PCDH15: variants seen among roughly 807,000 people sequenced by gnomAD.
The protein encoded by PCDH15 is protocadherin-15.
PCDH15 carries 129 observed loss-of-function variants against 178.5 expected under a neutral mutation model. The observed-to-expected ratio is 0.72, with a 90% CI of 0.63 to 0.84. The LOEUF (loss-of-function observed/expected upper bound fraction) is 0.84. Among genes scored for constraint, PCDH15 ranks in the 40% least tolerant of loss-of-function variants. The pLI, the probability that PCDH15 is intolerant of heterozygous loss-of-function variation, is 0.00. For missense variants in PCDH15, 2,230 were observed against 2,099.9 expected (o/e 1.06, Z -1.21); for synonymous variants, 800 against 732.0 (o/e 1.09, Z -1.50).
At chr10:55,120,899 C>T (rs962788980) in intron 2 of PCDH15, among the ~76,000 whole-genome samples, 3 of 152,216 alleles carry the variant, frequency 2.0e-5, no homozygotes, top group Admixed American at 2.0e-4. Context: ...CTTTTTCCAT[C>T]TACTTTGCAA....
intron 2 of PCDH15, chr10:54,655,430 T>C (rs1291952876): frequency 4.3e-5 from 1 of 23,176 alleles, no homozygotes; most frequent in South Asian, 9.2e-4. Context: ...TGTGGTGGGG[T>C]GTGTGTGTGT....
intron 2 of PCDH15, among the ~76,000 whole-genome samples, chr10:55,156,088 A>C (rs1375675963): frequency 6.6e-6 from 1 of 152,152 alleles, no homozygotes; most frequent in African/African-American, 2.4e-5. Flanking sequence ...TATTTCATAC[A>C]TACAAAGGAC....
intron 2 of PCDH15, among the ~76,000 whole-genome samples, chr10:54,593,505 G>A (rs966001599): frequency 9.9e-5 from 15 of 151,976 alleles, no homozygotes; most frequent in Admixed American, 3.9e-4. Context: ...TTATTTCTGG[G>A]CTCTCTGTTT....
intron 2 of PCDH15, among the ~76,000 whole-genome samples, chr10:55,346,007 AT>A (rs764972791): frequency 5.3e-5 from 8 of 152,238 alleles, no homozygotes; most frequent in Admixed American, 1.3e-4. Context: ...ATGTAAGACT[AT>A]TTCAAAAAAA....
intron 1 of PCDH15, among the ~76,000 whole-genome samples, chr10:55,192,966 T>G (rs1839983909): frequency 2.0e-5 from 3 of 147,882 alleles, no homozygotes; most frequent in African/African-American, 5.0e-5. Flanking sequence ...AGATTTCCTT[T>G]CCTATCCTTT....
At chr10:54,488,678 G>T (rs2137071934) in intron 3 of PCDH15, among the ~76,000 whole-genome samples, 2 of 152,086 alleles carry the variant, frequency 1.3e-5, no homozygotes, top group South Asian at 4.1e-4. Context: ...AAGGGAAAAT[G>T]AGAGCAGTTT....
chr10:55,124,055 C>T (rs1019335200), intron 2 of PCDH15, among the ~76,000 whole-genome samples: 1 of 152,128 alleles, frequency 6.6e-6, no homozygotes, highest in Non-Finnish European at 1.5e-5. Context: ...CTGCAAGGAG[C>T]TTTTCTTTAA....
intron 37 of PCDH15, chr10:53,808,687 C>G (rs761557152): frequency 6.2e-7 from 1 of 1,610,304 alleles, no homozygotes; most frequent in Non-Finnish European, 8.5e-7. Flanking sequence ...CTACTGTGAT[C>G]TCTTTCAAAG....
At chr10:54,356,595 A>G (rs1945019615) in intron 5 of PCDH15, among the ~76,000 whole-genome samples, 2 of 151,890 alleles carry the variant, frequency 1.3e-5, no homozygotes, top group Admixed American at 6.6e-5. Flanking sequence ...CATACACACA[A>G]AAATCTACCT....
At chr10:54,629,566 C>A (rs1414455250) in intron 2 of PCDH15, among the ~76,000 whole-genome samples, 1 of 152,004 alleles carries the variant, frequency 6.6e-6, no homozygotes, top group African/African-American at 2.4e-5. Context: ...TAAAAACCTA[C>A]AACAAACTAG....
intron 2 of PCDH15, among the ~76,000 whole-genome samples, chr10:55,086,800 A>T (rs1733745): frequency 0.45 from 68,668 of 151,880 alleles, 19,249 homozygotes; most frequent in African/African-American, 0.79. Flanking sequence ...ATTATAAATA[A>T]GTAAAAGTTT....
chr10:54,176,188 T>A (rs1013748866), intron 13 of PCDH15, among the ~76,000 whole-genome samples: 1 of 152,152 alleles, frequency 6.6e-6, no homozygotes, highest in Non-Finnish European at 1.5e-5. Flanking sequence ...ACTGAATTCC[T>A]ACTGTGTGTA....
chr10:54,187,637 A>G (rs575683889), intron 11 of PCDH15, among the ~76,000 whole-genome samples: 1 of 151,914 alleles, frequency 6.6e-6, no homozygotes, highest in African/African-American at 2.4e-5. Context: ...GAAAGATAAC[A>G]TTTCCCAGAA....
At chr10:54,676,932 T>C (rs553568913) in intron 1 of PCDH15, among the ~76,000 whole-genome samples, 2 of 152,336 alleles carry the variant, frequency 1.3e-5, no homozygotes, top group African/African-American at 2.4e-5. Flanking sequence ...ACTAATGTGA[T>C]GCCCATGGGC....
chr10:55,529,479 G>C (rs1469242386), intron 2 of PCDH15, among the ~76,000 whole-genome samples: 2 of 151,744 alleles, frequency 1.3e-5, no homozygotes, highest in Admixed American at 6.6e-5. Context: ...GCCTCCCAAA[G>C]TGCTGGGATT....
rs182583160 is a variant in PCDH15, at chr10:54,939,459, C to T, written c.-79-41959G>A. Among the ~76,000 whole-genome samples the T allele has an allele frequency of 8.5e-3, 1,009 of 118,026 alleles. 12 individuals carry two copies. Among genetic ancestry groups the T allele is most frequent in the African/African-American group, 0.032 (963 of 30,420 alleles). 77.4% of individuals were successfully genotyped at this position (118,026 alleles called of 152,430 possible). On this transcript the variant is annotated intron_variant, in intron 2 of 5. Transcript: ENST00000458638. ...GTGGTGAGCCGAGACCTCGCCACTG[C>T]ACTCCAGTCTGGGCAATAGAATGAG... is the stretch of plus-strand genomic sequence containing the variant.
At chr10:54,628,764 G>A (rs1456211388) in intron 2 of PCDH15, among the ~76,000 whole-genome samples, 1 of 152,068 alleles carries the variant, frequency 6.6e-6, no homozygotes, top group Non-Finnish European at 1.5e-5. Context: ...GGTTATGACT[G>A]GAGTTGGTGA....
At chr10:54,236,025 A>T (rs556435046) in intron 9 of PCDH15, among the ~76,000 whole-genome samples, 1 of 152,282 alleles carries the variant, frequency 6.6e-6, no homozygotes, top group Non-Finnish European at 1.5e-5. Flanking sequence ...GTGTATTTGT[A>T]TATGCACATA....
chr10:55,037,258 G>C (rs574109616), intron 2 of PCDH15, among the ~76,000 whole-genome samples: 107 of 152,022 alleles, frequency 7.0e-4, no homozygotes, highest in African/African-American at 2.4e-3. Context: ...TTTTGAGACG[G>C]AGTCTCGCTC....
Sources: gnomAD v4.1 joint callset for allele counts (sites outside exome capture counted in the v4.1 genomes callset) on GRCh38, gnomAD v4.1.1 for gene constraint, MANE v1.5 for transcripts, NCBI Gene and HGNC (gene_info 2026-07-23, HGNC 2026-07-21) for gene names.